The following HIVEP1 variants were observed in gnomAD, a reference collection of about 807,000 sequenced individuals.
The protein encoded by HIVEP1 is zinc finger protein 40.
Under a neutral mutation model 180.0 loss-of-function variants are expected in HIVEP1, and 36 were observed. That is an observed-to-expected ratio of 0.20 (90% confidence interval 0.15 to 0.26). The LOEUF is 0.26. HIVEP1 is among the 10% of genes least tolerant of loss of function. The probability of loss-of-function intolerance (pLI) is 1.00; values close to 1 mark genes in which losing one functional copy is unlikely to be tolerated. For synonymous variants in HIVEP1, 1,239 were observed against 1,239.0 expected, an observed-to-expected ratio of 1.00 and a Z score of 0.00; for missense variants, 3,143 against 3,268.7, an observed-to-expected ratio of 0.96 and a Z score of 0.94.
intron 7 of HIVEP1, among the ~76,000 whole-genome samples, chr6:12,159,432 A>G (rs1315107446): frequency 6.6e-6 from 1 of 152,126 alleles, no homozygotes; most frequent in African/African-American, 2.4e-5. Context: ...TGATGTGGCA[A>G]ATTCAAGTCA....
the HIVEP1 span, among the ~76,000 whole-genome samples, chr6:12,203,192 C>A: frequency 6.6e-6 from 1 of 152,214 alleles, no homozygotes; most frequent in East Asian, 1.9e-4. Context: ...CTGAAAACAG[C>A]ACTGTGGCAG....
chr6:12,068,254 C>CT (rs777146996), intron 2 of HIVEP1, among the ~76,000 whole-genome samples: 51 of 152,184 alleles, frequency 3.4e-4, no homozygotes, highest in Non-Finnish European at 6.6e-4. Context: ...CCATGCCCGT[C>CT]TAATTTTGTA....
intron 7 of HIVEP1, among the ~76,000 whole-genome samples, chr6:12,154,779 C>G (rs1396163933): frequency 6.6e-6 from 1 of 152,090 alleles, no homozygotes; most frequent in Non-Finnish European, 1.5e-5. Context: ...TGTAACAAAC[C>G]TGCACATTTG....
At chr6:12,012,268 G>A (rs1409326458), upstream of HIVEP1, 1 of 138,856 alleles carries the variant, frequency 7.2e-6, no homozygotes, top group Non-Finnish European at 1.6e-5. Context: ...CCCGCCCCCC[G>A]GCCCGCTCCC....
At chr6:12,142,159 AAG>A (rs1198305858) in intron 7 of HIVEP1, among the ~76,000 whole-genome samples, 2 of 152,348 alleles carry the variant, frequency 1.3e-5, no homozygotes, top group East Asian at 3.9e-4. Flanking sequence ...GCAAATGTAA[AAG>A]AACAGAAATC....
rs1760561577 is a variant in HIVEP1 at position 12,163,744 on chromosome 6, A to T, written c.7440A>T (p.Leu2480=). 1.2e-6 allele frequency: 2 copies of T among 1,614,072 alleles called. No homozygotes were observed. The highest frequency in any genetic ancestry group is 1.7e-6 in the Non-Finnish European group (2 of 1,180,014). Residue 2480 remains leucine, a synonymous_variant, in exon 9 of 9, where the codon CTA becomes CTT. Coordinates refer to ENST00000379388, the MANE Select transcript of HIVEP1 (RefSeq NM_002114.4). ...GQIRVPGLQN[L]STPGLQSLPS... ...TCCGCGTGCCAGGCCTTCAGAACCTAAGTACCCCAGGCTTGCAGTCACTCC... is the reference window on the plus strand; with the variant it reads ...TCCGCGTGCCAGGCCTTCAGAACCTTAGTACCCCAGGCTTGCAGTCACTCC...
chr6:12,207,862 G>C, the HIVEP1 span, among the ~76,000 whole-genome samples: 1 of 148,096 alleles, frequency 6.8e-6, no homozygotes, highest in Non-Finnish European at 1.5e-5. Context: ...GCTGCAGTGA[G>C]CTGTGATCAC....
chr6:12,090,563 A>G (rs1268610286), intron 3 of HIVEP1, among the ~76,000 whole-genome samples: 3 of 151,912 alleles, frequency 2.0e-5, no homozygotes, highest in Admixed American at 6.6e-5. Context: ...AGGGCCATGT[A>G]TATCTGACCC....
intron 1 of HIVEP1, 111 bp downstream of exon 1, chr6:12,012,677 CGT>C (rs138462020): frequency 0.043 from 6,206 of 142,854 alleles, 186 homozygotes; most frequent in Middle Eastern, 0.16. Context: ...TGCGGGCGCG[CGT>C]GTGTGTGTGT....
intron 3 of HIVEP1, among the ~76,000 whole-genome samples, chr6:12,108,977 T>C (rs1774693146): frequency 6.6e-6 from 1 of 152,142 alleles, no homozygotes; most frequent in African/African-American, 2.4e-5. Flanking sequence ...TTATTTTTTA[T>C]TTTTATTTTT....
chr6:12,165,235 T>G, downstream of HIVEP1: 1 of 424,014 alleles, frequency 2.4e-6, no homozygotes, highest in Non-Finnish European at 4.6e-6. Context: ...AGACTAAATA[T>G]ATAAGAATAC....
At position 12,122,002 on chromosome 6, in the gene HIVEP1, G is replaced by A. The variant is rs777986134; in HGVS notation, c.2207G>A (p.Arg736His). Reference protein sequence around the residue: ...EKALLLPGQMRPPLATKTLEE... With the variant: ...EKALLLPGQMHPPLATKTLEE... ...GCATTGCTTTTACCAGGTCAGATGC[G>A]CCCACCTTTGGCCACAAAAACACTT... Residue 736 changes from arginine (R) to histidine (H), a missense_variant, in exon 4 of 9, where the codon CGC (arginine) becomes CAC (histidine). By Grantham distance (29) the Arg-to-His change is conservative (BLOSUM62 0). Around this residue, in one of 12 missense-constraint regions of HIVEP1, gnomAD observed 365 missense variants for 344.4 expected, o/e 1.06. Coordinates refer to ENST00000379388, the MANE Select transcript of HIVEP1 (RefSeq NM_002114.4). 3.1e-5 allele frequency: 50 copies of A among 1,613,924 alleles called. No homozygotes were observed. The highest frequency in any genetic ancestry group is 1.5e-4 in the African/African-American group (11 of 74,870).
intron 7 of HIVEP1, among the ~76,000 whole-genome samples, chr6:12,159,542 T>G (rs1029723155): frequency 1.3e-5 from 2 of 152,136 alleles, no homozygotes; most frequent in Non-Finnish European, 2.9e-5. Context: ...GGAGGCTCGT[T>G]GTGGGCAGGG....
At chr6:12,076,413 T>C (rs912472856) in intron 2 of HIVEP1, among the ~76,000 whole-genome samples, 1 of 152,216 alleles carries the variant, frequency 6.6e-6, no homozygotes, top group Non-Finnish European at 1.5e-5. Context: ...TGTTTTAGTC[T>C]GTTTGTGCTT....
chr6:12,198,819 G>A, the HIVEP1 span, among the ~76,000 whole-genome samples: 7 of 152,334 alleles, frequency 4.6e-5, no homozygotes, highest in African/African-American at 1.7e-4. Context: ...CTGATTAAAT[G>A]TTAATCTCAT....
intron 3 of HIVEP1, among the ~76,000 whole-genome samples, chr6:12,110,420 G>T (rs1774813250): frequency 6.6e-6 from 1 of 152,226 alleles, no homozygotes; most frequent in Non-Finnish European, 1.5e-5. Context: ...ACCTTCCTCA[G>T]TTATCTTAGC....
At chr6:12,172,801 T>C in the HIVEP1 span, among the ~76,000 whole-genome samples, 58 of 152,174 alleles carry the variant, frequency 3.8e-4, no homozygotes, top group Non-Finnish European at 6.8e-4. Flanking sequence ...TTTTTTTTTT[T>C]TTCTACTGTT....
At chr6:12,074,643 T>TGTGTGTGTGTGTGC (rs573970756) in intron 2 of HIVEP1, among the ~76,000 whole-genome samples, 1 of 148,032 alleles carries the variant, frequency 6.8e-6, no homozygotes, top group African/African-American at 2.6e-5. Context: ...TGTGTGTGTG[T>TGTGTGTGTGTGTGC]GCGCGCGCGT....
chr6:12,136,630 A>T (rs1330900914), intron 7 of HIVEP1, among the ~76,000 whole-genome samples: 3 of 152,264 alleles, frequency 2.0e-5, no homozygotes, highest in African/African-American at 4.8e-5. Context: ...GCTCACCAGA[A>T]GCACTTAGCG....
Sources: allele counts gnomAD v4.1 joint callset (sites outside exome capture counted in the v4.1 genomes callset), GRCh38; gene constraint gnomAD v4.1.1; regional missense constraint gnomAD v4.1.1; transcripts MANE v1.5; gene names NCBI Gene and HGNC (gene_info 2026-07-23, HGNC 2026-07-21).